Variants in NFU1 observed in about 807,000 individuals in gnomAD.
NFU1 encodes the protein NFU1 iron-sulfur cluster scaffold homolog, mitochondrial.
A neutral mutation model predicts 32.2 loss-of-function variants in NFU1; 30 were observed. That is an observed-to-expected ratio of 0.93 (90% CI 0.70 to 1.26). NFU1 has a LOEUF of 1.26. NFU1 is among the 50% of genes most tolerant of loss of function. NFU1 has a pLI of 0.00. For synonymous variants in NFU1, 112 were observed against 104.6 expected, an observed-to-expected ratio of 1.07 and a Z score of -0.43; for missense variants, 306 against 306.6, an observed-to-expected ratio of 1.00 and a Z score of 0.02.
At chr2:69,429,125 T>C (rs760291014) in intron 2 of NFU1, among the ~76,000 whole-genome samples, 3 of 152,226 alleles carry the variant, frequency 2.0e-5, no homozygotes, top group African/African-American at 4.8e-5. Flanking sequence ...GATTTTTCAA[T>C]GACACATTAA....
chr2:69,435,675 CAAAT>C (rs994197578), intron 1 of NFU1, among the ~76,000 whole-genome samples: 1 of 152,184 alleles, frequency 6.6e-6, no homozygotes, highest in Non-Finnish European at 1.5e-5. Context: ...GAATGGGAAT[CAAAT>C]AATCTGTGAA....
At chr2:69,397,052 T>C (rs1338281228) in intron 7 of NFU1, among the ~76,000 whole-genome samples, 1 of 149,854 alleles carries the variant, frequency 6.7e-6, no homozygotes, top group Admixed American at 6.7e-5. Context: ...TCCAGCTTGG[T>C]GATAGAGCAA....
intron 2 of NFU1, chr2:69,429,871 A>G (rs1673581535): frequency 5.5e-6 from 1 of 181,744 alleles, no homozygotes; most frequent in Non-Finnish European, 1.2e-5. Context: ...TCTACAAAAA[A>G]TACGAAAATT....
In NFU1 at chr2:69,424,910, T is replaced by C. The variant is rs868201299; in HGVS notation, c.167-1193A>G. ...TTTTTTTTTTGAGGCGGAGTCTCCC[T>C]CTGTCGCCCAGGCTGGAGTGCAGTG... On this transcript the variant is annotated intron_variant, in intron 2 of 7. Coordinates refer to ENST00000410022, the MANE Select transcript of NFU1 (RefSeq NM_001002755.4). Among the ~76,000 whole-genome samples, 25 of 136,740 alleles carry C rather than the reference T, an allele frequency of 1.8e-4. 1 individual carries two copies. The South Asian group carries it at 4.4e-3, about 24-fold the overall frequency. The allele number at this position is 136,740 out of a possible 152,430, so 89.7% of individuals were successfully genotyped here.
At chr2:69,419,391 T>C in intron 4 of NFU1, 147 bp downstream of exon 4, 1 of 594,644 alleles carries the variant, frequency 1.7e-6, no homozygotes, top group Admixed American at 3.3e-5. Flanking sequence ...TTGTGACATT[T>C]AGAGGACAAG....
At chr2:69,425,068 C>A (rs1356826679) in intron 2 of NFU1, among the ~76,000 whole-genome samples, 1 of 151,744 alleles carries the variant, frequency 6.6e-6, no homozygotes, top group Non-Finnish European at 1.5e-5. Flanking sequence ...TTAGTAGAGA[C>A]GGGGTTTCAC....
At chr2:69,400,965 T>A (rs1408582247) in intron 6 of NFU1, among the ~76,000 whole-genome samples, 2 of 152,114 alleles carry the variant, frequency 1.3e-5, no homozygotes, top group African/African-American at 2.4e-5. Flanking sequence ...AAATTTTTTT[T>A]AAATAAAACA....
intron 1 of NFU1, among the ~76,000 whole-genome samples, chr2:69,437,088 T>TG (rs1256594136): frequency 2.0e-5 from 3 of 152,190 alleles, no homozygotes; most frequent in Admixed American, 6.5e-5. Context: ...CTACAGCCAG[T>TG]CTCTACAAGC....
intron 3 of NFU1, among the ~76,000 whole-genome samples, chr2:69,421,632 A>C (rs1171143083): frequency 8.0e-6 from 1 of 125,230 alleles, no homozygotes. Flanking sequence ...CAGTGGCGCT[A>C]TCTCGGCTCA....
chr2:69,432,023 T>A lies in NFU1; in HGVS notation c.63-18A>T, dbSNP rs1176789366. 13 of 1,506,772 alleles carry A rather than the reference T, an allele frequency of 8.6e-6. No individual in the cohort carries two copies. The highest frequency in any genetic ancestry group is 4.5e-5 in the East Asian group (2 of 44,424). 93.3% of individuals were successfully genotyped at this position (1,506,772 alleles called of 1,614,324 possible). On this transcript the variant is annotated intron_variant, in intron 1 of 7. Coordinates refer to ENST00000410022, the MANE Select transcript of NFU1 (RefSeq NM_001002755.4). Reference sequence around the variant, plus strand: ...GACAGAACCTGCATTTAAAAGCACATAATGAATGACATTTTAAGAGCTCTA... The same window carrying A: ...GACAGAACCTGCATTTAAAAGCACAAAATGAATGACATTTTAAGAGCTCTA...
At chr2:69,415,492 G>A (rs933303496) in intron 4 of NFU1, among the ~76,000 whole-genome samples, 193 bp from the exon 5 acceptor site, 4 of 151,564 alleles carry the variant, frequency 2.6e-5, no homozygotes, top group Non-Finnish European at 4.4e-5. Context: ...CGATTCTCCT[G>A]CCTCAGCCTC....
chr2:69,415,388 T>G, intron 4 of NFU1, 89 bp from the exon 5 acceptor site: 1 of 748,660 alleles, frequency 1.3e-6, no homozygotes, highest in Non-Finnish European at 2.3e-6. Context: ...TTTCTTTTTT[T>G]TTTTTGAGAT....
chr2:69,438,446 T>C (rs1208378320), upstream of NFU1, among the ~76,000 whole-genome samples: 1 of 151,942 alleles, frequency 6.6e-6, no homozygotes. Context: ...TAGTAGTATT[T>C]TTGTAGAGAA....
chr2:69,400,751 A>T (rs1672497271), intron 6 of NFU1, among the ~76,000 whole-genome samples: 1 of 152,060 alleles, frequency 6.6e-6, no homozygotes, highest in South Asian at 2.1e-4. Flanking sequence ...TCACTCATAC[A>T]AATATTTCCT....
chr2:69,438,072 CT>C (rs907622646), upstream of NFU1, among the ~76,000 whole-genome samples: 4 of 152,138 alleles, frequency 2.6e-5, no homozygotes, highest in African/African-American at 9.7e-5. Flanking sequence ...CAGAACCTTC[CT>C]GGAGTATTCC....
chr2:69,400,084 G>T (rs1672470841), intron 7 of NFU1, among the ~76,000 whole-genome samples: 1 of 152,048 alleles, frequency 6.6e-6, no homozygotes, highest in Non-Finnish European at 1.5e-5. Flanking sequence ...TGTTGGTCAG[G>T]CTGGTCTGGA....
At chr2:69,430,545 G>T (rs1426475104) in intron 2 of NFU1, among the ~76,000 whole-genome samples, 3 of 152,036 alleles carry the variant, frequency 2.0e-5, no homozygotes, top group African/African-American at 7.2e-5. Flanking sequence ...GTACTAATAG[G>T]TACCTAAGGA....
At chr2:69,419,294 T>G (rs975724496) in intron 4 of NFU1, among the ~76,000 whole-genome samples, 1 of 151,098 alleles carries the variant, frequency 6.6e-6, no homozygotes, top group Non-Finnish European at 1.5e-5. Flanking sequence ...ACCATCACAC[T>G]CCAGCCTGGG....
chr2:69,398,085 A>G (rs530796079), intron 7 of NFU1, among the ~76,000 whole-genome samples: 1 of 152,314 alleles, frequency 6.6e-6, no homozygotes, highest in East Asian at 1.9e-4. Context: ...AATTTTGTCA[A>G]CCAACTCATA....
Sources: gnomAD v4.1 joint callset for allele counts (sites outside exome capture counted in the v4.1 genomes callset) on GRCh38, gnomAD v4.1.1 for gene constraint, MANE v1.5 for transcripts, NCBI Gene and HGNC (gene_info 2026-07-23, HGNC 2026-07-21) for gene names.